The following EEF1G variants were observed in gnomAD, a reference collection of about 807,000 sequenced individuals.
EEF1G encodes elongation factor 1-gamma.
A neutral mutation model predicts 58.3 loss-of-function variants in EEF1G; 14 were observed. The ratio of observed to expected loss-of-function variants is 0.24; its 90% CI spans 0.16 to 0.38. The LOEUF (loss-of-function observed/expected upper bound fraction) is 0.38. EEF1G is among the 10% of genes least tolerant of loss of function. The pLI is 1.00. For synonymous variants in EEF1G, 180 were observed against 206.8 expected, an observed-to-expected ratio of 0.87 and a Z score of 1.11; for missense variants, 322 against 550.1, an observed-to-expected ratio of 0.59 and a Z score of 4.15.
At chr11:62,568,186 G>A (rs966579502) in intron 5 of EEF1G, among the ~76,000 whole-genome samples, 5 of 146,532 alleles carry the variant, frequency 3.4e-5, no homozygotes, top group African/African-American at 1.0e-4. Context: ...GGAGATCGCG[G>A]CACTGCATTC....
intron 1 of EEF1G, 89 bp downstream of exon 1, chr11:62,573,742 T>G: frequency 6.3e-7 from 1 of 1,581,974 alleles, no homozygotes; most frequent in African/African-American, 1.3e-5. Context: ...CCACTCAACC[T>G]CAGAACTCCT....
intron 7 of EEF1G, among the ~76,000 whole-genome samples, chr11:62,563,361 C>T (rs1052693903): frequency 6.6e-6 from 1 of 152,064 alleles, no homozygotes; most frequent in Non-Finnish European, 1.5e-5. Context: ...TGGTTTCAAT[C>T]TCCTGACCTC....
At chr11:62,570,881 G>T in intron 5 of EEF1G, 84 bp downstream of exon 5, 1 of 1,579,812 alleles carries the variant, frequency 6.3e-7, no homozygotes, top group Non-Finnish European at 8.7e-7. Flanking sequence ...GTCCTCAGCA[G>T]AATACAGGGT....
chr11:62,567,614 T>A (rs2134294025), intron 5 of EEF1G, 86 bp from the exon 6 acceptor site: 2 of 1,359,696 alleles, frequency 1.5e-6, no homozygotes, highest in East Asian at 5.2e-5. Context: ...TCTACCTAAG[T>A]CCCAGTGCTC....
At chr11:62,565,849 A>AAT (rs1398239333) in intron 7 of EEF1G, among the ~76,000 whole-genome samples, 1 of 152,150 alleles carries the variant, frequency 6.6e-6, no homozygotes, top group Non-Finnish European at 1.5e-5. Flanking sequence ...TGTAATTCAC[A>AAT]ATTCTATGCA....
intron 7 of EEF1G, among the ~76,000 whole-genome samples, chr11:62,561,406 G>A (rs1941492375): frequency 6.6e-6 from 1 of 151,176 alleles, no homozygotes; most frequent in Non-Finnish European, 1.5e-5. Context: ...CAGGCAGGGT[G>A]GCTCACACCT....
chr11:62,559,981 T>C (rs1941476800), intron 9 of EEF1G, 88 bp downstream of exon 9: 6 of 1,607,642 alleles, frequency 3.7e-6, no homozygotes, highest in Non-Finnish European at 5.1e-6. Flanking sequence ...TGAACCCTCC[T>C]AAACATCCAT....
At chr11:62,562,081 A>G (rs1286124933) in intron 7 of EEF1G, among the ~76,000 whole-genome samples, 1 of 152,270 alleles carries the variant, frequency 6.6e-6, no homozygotes, top group Non-Finnish European at 1.5e-5. Flanking sequence ...ATATCTAATT[A>G]TAATGAAGGA....
chr11:62,568,258 C>A (rs533530735), intron 5 of EEF1G, among the ~76,000 whole-genome samples: 43 of 149,918 alleles, frequency 2.9e-4, no homozygotes, highest in African/African-American at 1.0e-3. Flanking sequence ...CGTGGTGGCA[C>A]GTGCCTGTAG....
chr11:62,569,948 CA>C (rs1941605925), intron 5 of EEF1G, among the ~76,000 whole-genome samples: 1 of 152,058 alleles, frequency 6.6e-6, no homozygotes, highest in South Asian at 2.1e-4. Context: ...TTATAGATTG[CA>C]AAGAGTAAAA....
chr11:62,573,674 C>T, intron 1 of EEF1G, 157 bp downstream of exon 1: 2 of 1,081,804 alleles, frequency 1.8e-6, no homozygotes, highest in East Asian at 2.6e-5. Context: ...AGTTCCCCTC[C>T]AGGCCCTAGG....
At chr11:62,570,488 G>A (rs1471196055) in intron 5 of EEF1G, among the ~76,000 whole-genome samples, 6 of 152,144 alleles carry the variant, frequency 3.9e-5, no homozygotes, top group African/African-American at 1.4e-4. Flanking sequence ...AGAAACTAAA[G>A]GCAAGACATT....
intron 5 of EEF1G, among the ~76,000 whole-genome samples, chr11:62,570,535 T>C (rs571949323): frequency 5.1e-4 from 77 of 152,236 alleles, no homozygotes; most frequent in African/African-American, 1.8e-3. Flanking sequence ...CAAGTGATGG[T>C]ACTCAGTCCT....
At chr11:62,573,668 C>A in intron 1 of EEF1G, 163 bp downstream of exon 1, 1 of 1,000,726 alleles carries the variant, frequency 1.0e-6, no homozygotes, top group Non-Finnish European at 1.5e-6. Context: ...AGCCTCAGTT[C>A]CCCTCCAGGC....
chr11:62,570,206 C>T (rs1011849056), intron 5 of EEF1G, among the ~76,000 whole-genome samples: 1 of 151,666 alleles, frequency 6.6e-6, no homozygotes, highest in Admixed American at 6.6e-5. Context: ...GGATTACAGG[C>T]TCCTACCACC....
At chr11:62,561,979 T>C (rs967412462) in intron 7 of EEF1G, among the ~76,000 whole-genome samples, 3 of 152,216 alleles carry the variant, frequency 2.0e-5, no homozygotes, top group Admixed American at 6.5e-5. Context: ...AATTAACTGA[T>C]AAGGTACTGG....
intron 7 of EEF1G, among the ~76,000 whole-genome samples, chr11:62,565,231 TA>T (rs1021539519): frequency 2.0e-5 from 3 of 151,796 alleles, no homozygotes; most frequent in African/African-American, 7.3e-5. Context: ...CTACAAATAA[TA>T]AAAAATTAGC....
At chr11:62,566,273 C>T (rs901117690) in intron 7 of EEF1G, among the ~76,000 whole-genome samples, 4 of 152,134 alleles carry the variant, frequency 2.6e-5, no homozygotes, top group Non-Finnish European at 5.9e-5. Flanking sequence ...GGACTTTACT[C>T]GGTTGTGGAA....
chr11:62,570,826 G>T, intron 5 of EEF1G, 139 bp downstream of exon 5: 11 of 1,201,480 alleles, frequency 9.2e-6, no homozygotes, highest in Non-Finnish European at 1.3e-5. Context: ...AGTGTGCTCG[G>T]ATTACAGGCA....
Sources: gnomAD v4.1 joint callset for allele counts (sites outside exome capture counted in the v4.1 genomes callset) on GRCh38, gnomAD v4.1.1 for gene constraint, MANE v1.5 for transcripts, NCBI Gene and HGNC (gene_info 2026-07-23, HGNC 2026-07-21) for gene names.